The following IFT140 variants were observed in gnomAD, a reference collection of about 807,000 sequenced individuals.
The protein encoded by IFT140 is intraflagellar transport 140.
In IFT140, 133 loss-of-function variants were observed where a neutral mutation model predicts 164.6. That is an observed-to-expected ratio of 0.81 (90% confidence interval 0.70 to 0.93). The LOEUF is 0.93. Among genes scored for constraint, IFT140 ranks in the 40% least tolerant of loss-of-function variants. The pLI, the probability that IFT140 is intolerant of heterozygous loss-of-function variation, is 0.00. For synonymous variants in IFT140, 860 were observed against 817.3 expected (o/e 1.05, Z -0.89); for missense variants, 2,045 against 1,972.3 (o/e 1.04, Z -0.70).
At chr16:1,591,786 C>T (rs1040885543) in intron 6 of IFT140, among the ~76,000 whole-genome samples, 5 of 152,302 alleles carry the variant, frequency 3.3e-5, no homozygotes, top group Admixed American at 1.3e-4. Context: ...CTCATTCCCA[C>T]ACCCTAGCCA....
rs2235646 is a variant in IFT140, at chr16:1,551,286, A to G, written c.2399+6649T>C. ...TAAAGACACAATGACCACGGCTGGC[A>G]GGGGTGGGCAGGTGCAACTCTAAGC... On this transcript the variant is annotated intron_variant, in intron 19 of 30. Transcript: ENST00000426508. The surrounding 1 kb of genome is among the most constrained non-coding windows in gnomAD (Gnocchi z 4.0). 0.43 allele frequency among the ~76,000 whole-genome samples: 64,589 copies of G among 151,928 alleles called. 15,244 individuals carry two copies. The highest frequency in any genetic ancestry group is 0.64 in the African/African-American group (26,297 of 41,406).
At chr16:1,549,083 A>G (rs1374029311) in intron 19 of IFT140, among the ~76,000 whole-genome samples, 3 of 152,130 alleles carry the variant, frequency 2.0e-5, no homozygotes, top group African/African-American at 7.2e-5. Flanking sequence ...TTTTCACCGC[A>G]TGCCTAGGGC....
Position 1,587,361 on chromosome 16 carries a change from G to C in IFT140, c.903-57C>G, listed in dbSNP as rs546400137. ...GCCTGTGTTAGTGGCGTTTCCCTCT[G>C]AGGGGTTTTTGAACCTGTGGAGCAA... On this transcript the variant is annotated intron_variant, in intron 8 of 30. Coordinates refer to ENST00000426508, the MANE Select transcript of IFT140 (RefSeq NM_014714.4). 74 of 1,124,600 alleles carry C rather than the reference G, an allele frequency of 6.6e-5. No homozygotes were observed. In the African/African-American group the frequency reaches 1.1e-3, roughly 16 times the overall value. 69.7% of individuals were successfully genotyped at this position (1,124,600 alleles called of 1,614,324 possible).
In IFT140 at chr16:1,527,020, G is replaced by A. The variant is rs1192919156; in HGVS notation, c.2400-224C>T. The A allele has an allele frequency of 5.6e-6, 3 of 539,454 alleles. No homozygotes were observed. In the African/African-American group the frequency reaches 5.8e-5, roughly 10 times the overall value. The allele number at this position is 539,454 out of a possible 1,614,324, so 33.4% of individuals were successfully genotyped here. A position where few individuals can be genotyped will look rare whatever the true frequency, so the allele number is the denominator to read the frequency against. On this transcript the variant is annotated intron_variant, in intron 19 of 30. Coordinates refer to ENST00000426508, the MANE Select transcript of IFT140 (RefSeq NM_014714.4). ...TCCTAACCCCAAGAGGCAGGGGCCG[G>A]GTCCCATTAAAAGACAGAAGGATCT... is the stretch of plus-strand genomic sequence containing the variant.
chr16:1,547,210 C>T (rs1345671157), intron 19 of IFT140, among the ~76,000 whole-genome samples: 1 of 152,212 alleles, frequency 6.6e-6, no homozygotes, highest in Non-Finnish European at 1.5e-5. Context: ...CCAAAATTCC[C>T]TGGACATGAC....
At chr16:1,542,149 A>G in intron 19 of IFT140, 1 of 1,441,982 alleles carries the variant, frequency 6.9e-7, no homozygotes, top group Non-Finnish European at 9.2e-7. Context: ...GAGGGTCCTG[A>G]GGCCTTGGGT....
chr16:1,585,988 G>A, intron 10 of IFT140, 142 bp downstream of exon 10: 1 of 937,522 alleles, frequency 1.1e-6, no homozygotes, highest in Non-Finnish European at 1.7e-6. Context: ...AGCCAGGATG[G>A]TCTCGATCTC....
chr16:1,510,754 G>A lies in IFT140; in HGVS notation c.*190C>T. The A allele has an allele frequency of 3.3e-6, 2 of 614,686 alleles. No homozygotes were observed. The highest frequency in any genetic ancestry group is 5.8e-6 in the Non-Finnish European group (2 of 347,522). The allele number at this position is 614,686 out of a possible 1,614,324, so 38.1% of individuals were successfully genotyped here. On this transcript the variant is annotated 3_prime_UTR_variant, in exon 31 of 31. Coordinates refer to ENST00000426508, the MANE Select transcript of IFT140 (RefSeq NM_014714.4). ...GCTGCCGGGCACCCAGAGGCAGGTG[G>A]GACAGAGCAAGGTGCAGACGGGTCA...
At chr16:1,598,167 T>C (rs1045527600) in intron 4 of IFT140, among the ~76,000 whole-genome samples, 2 of 151,558 alleles carry the variant, frequency 1.3e-5, no homozygotes, top group African/African-American at 2.4e-5. Context: ...TGATTAGAAA[T>C]AGAAATACAA....
rs1053426941 is a variant in IFT140, at chr16:1,564,873, C to T, written c.1902-711G>A. Reference sequence around the variant, plus strand: ...GACATGAAGATCCCCTAGTAAGCCACTGCACCCAGCAATGGAGGTGCCCTC... The same window carrying T: ...GACATGAAGATCCCCTAGTAAGCCATTGCACCCAGCAATGGAGGTGCCCTC... On this transcript the variant is annotated intron_variant, in intron 16 of 30. Transcript: ENST00000426508. This position sits in a 1 kb window ranked among gnomAD's most constrained non-coding sequence, Gnocchi z 5.5. Among the ~76,000 whole-genome samples, 13 of 152,224 alleles carry T rather than the reference C, an allele frequency of 8.5e-5. No homozygotes were observed. Among genetic ancestry groups the T allele is most frequent in the African/African-American group, 2.9e-4 (12 of 41,462 alleles).
intron 19 of IFT140, among the ~76,000 whole-genome samples, chr16:1,545,015 T>C (rs770554018): frequency 1.3e-5 from 2 of 152,234 alleles, no homozygotes; most frequent in African/African-American, 2.4e-5. Context: ...CTACTGTGGA[T>C]TTGGCATGTC....
Position 1,534,483 on chromosome 16 carries a change from G to A in IFT140, c.2400-7687C>T, listed in dbSNP as rs377027054. 10 of 1,610,408 alleles carry A rather than the reference G, an allele frequency of 6.2e-6. No homozygotes were observed. Among genetic ancestry groups the A allele is most frequent in the Middle Eastern group, 1.7e-4 (1 of 6,060 alleles). On this transcript the variant is annotated intron_variant, in intron 19 of 30. Transcript: ENST00000426508. ...TGGGGCCAGAGCCGGCCAGGTGGAC[G>A]CACATGACTGTGAGGCGCTGGGCTG... is the stretch of plus-strand genomic sequence containing the variant.
At chr16:1,583,871 G>A (rs8055710) in intron 11 of IFT140, among the ~76,000 whole-genome samples, 28,749 of 151,748 alleles carry the variant, frequency 0.19, 3,522 homozygotes, top group African/African-American at 0.34. Flanking sequence ...CAGCCTCCCA[G>A]GTAGCTGGGA....
At position 1,510,997 on chromosome 16, in the gene IFT140, C is replaced by T. The variant is rs753261966; in HGVS notation, c.4336G>A (p.Asp1446Asn). 1 of 1,611,506 alleles carries T rather than the reference C, an allele frequency of 6.2e-7. No individual in the cohort carries two copies. The highest frequency in any genetic ancestry group is 1.1e-5 in the South Asian group (1 of 90,616). ...PEQVRHNSME[D>N]ARELDEEVVE... ...ACCTCCTCGTCCAGCTCCCTGGCGT[C>T]CTCCATGCTGTTGTGGCGGACCTGC... Residue 1446 changes from aspartate (D) to asparagine (N), a missense_variant, in exon 31 of 31, where the codon GAC becomes AAC. Transcript: ENST00000426508.
chr16:1,561,784 A>G (rs954479999), intron 18 of IFT140, among the ~76,000 whole-genome samples: 1 of 152,144 alleles, frequency 6.6e-6, no homozygotes, highest in South Asian at 2.1e-4. Context: ...ACCACTTCCA[A>G]TTCTCCCCAG....
At position 1,553,972 on chromosome 16, in the gene IFT140, C is replaced by T; in HGVS notation, c.2399+3963G>A. ...GTGAAACTGTAGCATCAGCGACTAA[C>T]TAGACGGGAACAAGCTGCGCCAACC... On this transcript the variant is annotated intron_variant, in intron 19 of 30. Coordinates refer to ENST00000426508, the MANE Select transcript of IFT140 (RefSeq NM_014714.4). This position sits in a 1 kb window ranked among gnomAD's most constrained non-coding sequence, Gnocchi z 4.4. The T allele has an allele frequency of 1.6e-6, 2 of 1,287,228 alleles. No homozygotes were observed. The highest frequency in any genetic ancestry group is 5.6e-5 in the East Asian group (1 of 18,018). The allele number at this position is 1,287,228 out of a possible 1,614,324, so 79.7% of individuals were successfully genotyped here.
Position 1,602,354 on chromosome 16 carries a change from G to C in IFT140, c.369+16C>G, listed in dbSNP as rs1334020580. 15 of 1,608,170 alleles carry C rather than the reference G, an allele frequency of 9.3e-6. No homozygotes were observed. The highest frequency in any genetic ancestry group is 1.2e-5 in the Non-Finnish European group (14 of 1,174,868). On this transcript the variant is annotated intron_variant, in intron 4 of 30. Transcript: ENST00000426508. ...GGTCAAGGTCTGAAAACAGCGTCTT[G>C]CGCGTGTTGACTCACCCTGTCCCCA...
intron 19 of IFT140, chr16:1,554,193 T>G: frequency 8.3e-7 from 1 of 1,200,296 alleles, no homozygotes; most frequent in Non-Finnish European, 1.1e-6. Flanking sequence ...CTGCCTGAGC[T>G]GCAGACTCCA....
chr16:1,526,495 C>T, intron 20 of IFT140, 124 bp downstream of exon 20: 1 of 1,070,978 alleles, frequency 9.3e-7, no homozygotes, highest in East Asian at 2.7e-5. Flanking sequence ...CTGGGTCATG[C>T]CTCTCGGCTC....
Sources: gnomAD v4.1 joint callset for allele counts (sites outside exome capture counted in the v4.1 genomes callset) on GRCh38, gnomAD v4.1.1 for gene constraint, Gnocchi (gnomAD v3.1) non-coding constraint, MANE v1.5 for transcripts, NCBI Gene and HGNC (gene_info 2026-07-23, HGNC 2026-07-21) for gene names.